DOK6: variants seen among roughly 807,000 people sequenced by gnomAD.
The protein encoded by DOK6 is downstream of tyrosine kinase 6.
A neutral mutation model predicts 44.0 loss-of-function variants in DOK6; 22 were observed. The observed-to-expected ratio is 0.50, with a 90% CI of 0.36 to 0.71. The LOEUF is 0.71. DOK6 is among the 30% of genes least tolerant of loss of function. DOK6 has a pLI of 0.00. For missense variants in DOK6, 340 were observed against 416.4 expected, an observed-to-expected ratio of 0.82 and a Z score of 1.60; for synonymous variants, 166 against 145.5, an observed-to-expected ratio of 1.14 and a Z score of -1.01.
chr18:69,562,394 C>T (rs1203291389), intron 1 of DOK6, among the ~76,000 whole-genome samples: 1 of 152,018 alleles, frequency 6.6e-6, no homozygotes, highest in Non-Finnish European at 1.5e-5. Flanking sequence ...TGGTCTATAT[C>T]TCTGTTTTAG....
chr18:69,457,509 C>T (rs1030644774), intron 1 of DOK6, among the ~76,000 whole-genome samples: 4 of 151,872 alleles, frequency 2.6e-5, no homozygotes, highest in Admixed American at 2.0e-4. Flanking sequence ...GTTTTTGTAC[C>T]AGTAGTATGC....
intron 4 of DOK6, among the ~76,000 whole-genome samples, chr18:69,689,348 G>C (rs527494925): frequency 6.6e-5 from 10 of 152,176 alleles, no homozygotes; most frequent in African/African-American, 2.4e-4. Flanking sequence ...CAAGAATGAA[G>C]GACTTATTAC....
chr18:69,493,052 A>G (rs1213057728), intron 1 of DOK6, among the ~76,000 whole-genome samples: 2 of 152,124 alleles, frequency 1.3e-5, no homozygotes, highest in Admixed American at 6.5e-5. Flanking sequence ...TCACATCTAT[A>G]TAAACATCAT....
At chr18:69,512,703 G>A (rs895683599) in intron 1 of DOK6, among the ~76,000 whole-genome samples, 3 of 152,130 alleles carry the variant, frequency 2.0e-5, no homozygotes, top group African/African-American at 7.2e-5. Context: ...GGTGGGGGAA[G>A]GAATCCTGAG....
intron 6 of DOK6, among the ~76,000 whole-genome samples, chr18:69,749,004 A>C (rs887356939): frequency 2.0e-5 from 3 of 152,214 alleles, no homozygotes; most frequent in Non-Finnish European, 2.9e-5. Flanking sequence ...TGTCCTTTTC[A>C]TGGACATGGA....
intron 7 of DOK6, among the ~76,000 whole-genome samples, chr18:69,809,597 A>ACACACAC (rs1568132493): frequency 7.5e-6 from 1 of 133,850 alleles, no homozygotes; most frequent in African/African-American, 3.2e-5. Context: ...CACACACACA[A>ACACACAC]AAGAAAGAAA....
intron 7 of DOK6, among the ~76,000 whole-genome samples, chr18:69,806,482 G>A (rs1981055109): frequency 6.6e-6 from 1 of 151,936 alleles, no homozygotes; most frequent in African/African-American, 2.4e-5. Context: ...TACCCTGTAT[G>A]TATTAAGCAG....
intron 7 of DOK6, among the ~76,000 whole-genome samples, chr18:69,798,963 T>C (rs761842605): frequency 6.6e-6 from 1 of 152,046 alleles, no homozygotes; most frequent in Non-Finnish European, 1.5e-5. Context: ...ACTTAACAAC[T>C]GTATTGTCTC....
At chr18:69,563,224 A>G (rs1982882846) in intron 1 of DOK6, among the ~76,000 whole-genome samples, 1 of 152,310 alleles carries the variant, frequency 6.6e-6, no homozygotes, top group African/African-American at 2.4e-5. Flanking sequence ...TAGTTCAACC[A>G]TTGTGGAAGT....
chr18:69,599,723 G>A (rs1983829493), intron 3 of DOK6, among the ~76,000 whole-genome samples: 1 of 152,192 alleles, frequency 6.6e-6, no homozygotes, highest in South Asian at 2.1e-4. Flanking sequence ...TGCCTGTTGA[G>A]GTTTCCGTTC....
chr18:69,517,214 T>C (rs1465861773), intron 1 of DOK6, among the ~76,000 whole-genome samples: 4 of 152,194 alleles, frequency 2.6e-5, no homozygotes, highest in Non-Finnish European at 4.4e-5. Flanking sequence ...TAACAAGTGG[T>C]CTTATTAAGC....
At chr18:69,538,555 C>T (rs4891750) in intron 1 of DOK6, among the ~76,000 whole-genome samples, 36,509 of 151,792 alleles carry the variant, frequency 0.24, 6,236 homozygotes, top group African/African-American at 0.47. Context: ...CTAACTTTTG[C>T]ATTTTTGGTA....
chr18:69,474,360 T>C (rs1157685648), intron 1 of DOK6, among the ~76,000 whole-genome samples: 5 of 152,198 alleles, frequency 3.3e-5, no homozygotes, highest in African/African-American at 1.2e-4. Flanking sequence ...CCCCTAAGTA[T>C]TGGAGAAGCA....
intron 3 of DOK6, among the ~76,000 whole-genome samples, chr18:69,605,076 T>TTGTGTGTGTGTG (rs71176987): frequency 3.0e-3 from 383 of 125,840 alleles, no homozygotes; most frequent in African/African-American, 7.8e-3. Context: ...AGAGATCCCT[T>TTGTGTGTGTGTG]TGTGTGTGTG....
chr18:69,643,045 C>G (rs1167330177), intron 3 of DOK6, among the ~76,000 whole-genome samples: 1 of 152,100 alleles, frequency 6.6e-6, no homozygotes, highest in Non-Finnish European at 1.5e-5. Flanking sequence ...TACTTTGTTT[C>G]CCAATCTTTG....
intron 7 of DOK6, among the ~76,000 whole-genome samples, chr18:69,828,825 A>G (rs1007401917): frequency 1.3e-4 from 19 of 142,184 alleles, no homozygotes; most frequent in Non-Finnish European, 6.2e-5. Flanking sequence ...TATGAGATAA[A>G]CAAAAAAGAA....
chr18:69,599,729 C>T (rs1306523773), intron 3 of DOK6, among the ~76,000 whole-genome samples: 1 of 152,112 alleles, frequency 6.6e-6, no homozygotes, highest in African/African-American at 2.4e-5. Flanking sequence ...TTGAGGTTTC[C>T]GTTCAAGCTT....
chr18:69,563,781 A>T (rs9962017), intron 1 of DOK6, among the ~76,000 whole-genome samples: 2 of 151,720 alleles, frequency 1.3e-5, no homozygotes. Context: ...TGCGCATATA[A>T]CCTAAAACTT....
intron 5 of DOK6, among the ~76,000 whole-genome samples, chr18:69,713,024 C>T (rs190636499): frequency 9.5e-4 from 145 of 152,266 alleles, no homozygotes; most frequent in Non-Finnish European, 4.6e-4. Context: ...TTTAGAAACT[C>T]GGAGATTTTT....
Sources: gnomAD v4.1 joint callset for allele counts (sites outside exome capture counted in the v4.1 genomes callset) on GRCh38, gnomAD v4.1.1 for gene constraint, MANE v1.5 for transcripts, NCBI Gene and HGNC (gene_info 2026-07-23, HGNC 2026-07-21) for gene names.